The following CALHM1 variants were observed in gnomAD, a reference collection of about 807,000 sequenced individuals.
CALHM1 encodes the protein calcium homeostasis modulator protein 1.
Under a neutral mutation model 14.8 loss-of-function variants are expected in CALHM1, and 11 were observed. That is an observed-to-expected ratio of 0.74 (90% CI 0.47 to 1.23). The LOEUF is 1.23. CALHM1 is among the 50% of genes most tolerant of loss of function. The pLI is 0.00. For synonymous variants in CALHM1, 215 were observed against 218.9 expected, an observed-to-expected ratio of 0.98 and a Z score of 0.16; for missense variants, 458 against 496.4, an observed-to-expected ratio of 0.92 and a Z score of 0.74.
Position 103,458,086 on chromosome 10 carries a change from C to G in CALHM1, c.555+111G>C. 1.5e-6 allele frequency: 2 copies of G among 1,299,892 alleles called. No homozygotes were observed. The highest frequency in any genetic ancestry group is 1.4e-5 in the South Asian group (1 of 73,690). 80.5% of individuals were successfully genotyped at this position (1,299,892 alleles called of 1,614,324 possible). On this transcript the variant is annotated intron_variant, in intron 1 of 1. Coordinates refer to ENST00000329905, the MANE Select transcript of CALHM1 (RefSeq NM_001001412.4). The surrounding 1 kb of genome is among the most constrained non-coding windows in gnomAD (Gnocchi z 4.9). ...AGTTGGGAAGATGCCCCCCACACCT[C>G]GGAGCTCCACCTGAGCAGAGGCCCC...
chr10:103,456,741 C>A (rs1051487992), intron 1 of CALHM1, among the ~76,000 whole-genome samples: 1 of 152,214 alleles, frequency 6.6e-6, no homozygotes, highest in Non-Finnish European at 1.5e-5. Context: ...GGATTTCCAA[C>A]TTGAAAATCT....
At position 103,453,844 on chromosome 10, in the gene CALHM1, C is replaced by T. The variant is rs946923755; in HGVS notation, c.*1418G>A. ...TCCTGGAAGAGCCCTCCCAGCCCAC[C>T]TTGGCCCACAAAGATCTGAGCAACT... On this transcript the variant is annotated 3_prime_UTR_variant, in exon 2 of 2. Transcript: ENST00000329905. The T allele has an allele frequency of 1.3e-5, 2 of 152,194 alleles. No individual in the cohort carries two copies. Among genetic ancestry groups the T allele is most frequent in the Non-Finnish European group, 2.9e-5 (2 of 68,046 alleles). 9.4% of individuals were successfully genotyped at this position (152,194 alleles called of 1,614,324 possible).
Position 103,455,146 on chromosome 10 carries a change from G to A in CALHM1, c.*116C>T. On this transcript the variant is annotated 3_prime_UTR_variant, in exon 2 of 2. Transcript: ENST00000329905. ...GGGCAGGCGAGTGCTAGGGAGTGTGGATCTGCCTAGGGGAGTACTGCCCAG... is the reference window on the plus strand; with the variant it reads ...GGGCAGGCGAGTGCTAGGGAGTGTGAATCTGCCTAGGGGAGTACTGCCCAG... 7.2e-7 allele frequency: 1 copy of A among 1,388,900 alleles called. No homozygotes were observed. Among genetic ancestry groups the A allele is most frequent in the Non-Finnish European group, 9.5e-7 (1 of 1,052,554 alleles). The allele number at this position is 1,388,900 out of a possible 1,614,324, so 86.0% of individuals were successfully genotyped here.
At chr10:103,457,277 G>A (rs1233508843) in intron 1 of CALHM1, among the ~76,000 whole-genome samples, 1 of 152,264 alleles carries the variant, frequency 6.6e-6, no homozygotes, top group East Asian at 1.9e-4. Context: ...TGAGGCCGGG[G>A]ACGATGGGAT....
In CALHM1 at chr10:103,458,316, C is replaced by A; in HGVS notation, c.436G>T (p.Gly146Cys). 6.2e-7 allele frequency: 1 copy of A among 1,610,946 alleles called. No homozygotes were observed. The highest frequency in any genetic ancestry group is 8.5e-7 in the Non-Finnish European group (1 of 1,179,112). Residue 146 changes from glycine to cysteine, a missense_variant, in exon 1 of 2, where the codon GGC becomes TGC. By Grantham distance (159) the Gly-to-Cys change is radical. Transcript: ENST00000329905. The surrounding 1 kb of genome is among the most constrained non-coding windows in gnomAD (Gnocchi z 4.9). The part of the protein sequence containing the change: ...SALGNGSLAP[G>C]LPAPELARLL... The stretch of plus-strand genomic sequence containing the variant: ...CGGGCGAGCTCGGGGGCAGGAAGGC[C>A]GGGTGCCAGGCTGCCGTTGCCCAGT...
chr10:103,455,346 C>T lies in CALHM1; in HGVS notation c.957G>A (p.Glu319=), dbSNP rs757290889. The T allele has an allele frequency of 9.5e-5, 154 of 1,613,418 alleles. No homozygotes were observed. The highest frequency in any genetic ancestry group is 1.2e-4 in the Non-Finnish European group (145 of 1,179,996). ...CKPPLRLGQE[E]PPLMGNGWAG... is the part of the protein sequence containing the mutation. Reference sequence around the variant, plus strand: ...CCCAGCCGTTGCCCATCAGCGGTGGCTCCTCCTGGCCCAGCCGCAGAGGCG... The same window carrying T: ...CCCAGCCGTTGCCCATCAGCGGTGGTTCCTCCTGGCCCAGCCGCAGAGGCG... Residue 319 remains glutamate (E), a synonymous_variant, in exon 2 of 2, where the codon GAG becomes GAA. Transcript: ENST00000329905.
chr10:103,455,360 G>A lies in CALHM1; in HGVS notation c.943C>T (p.Leu315=), dbSNP rs1410385384. The change falls in exon 2 of 2, where the codon CTG becomes TTG. Residue 315 remains leucine (L), a synonymous_variant. Transcript: ENST00000329905. ...ATCAGCGGTGGCTCCTCCTGGCCCA[G>A]CCGCAGAGGCGGTTTGCATTTGTGC... The part of the protein sequence containing the change: ...SWHKCKPPLR[L]GQEEPPLMGN... The A allele has an allele frequency of 6.2e-7, 1 of 1,613,806 alleles. No homozygotes were observed. Among genetic ancestry groups the A allele is most frequent in the Admixed American group, 1.7e-5 (1 of 60,032 alleles).
rs1372091933 is a variant in CALHM1 at position 103,454,520 on chromosome 10, G to A, written c.*742C>T. 1 of 152,218 alleles carries A rather than the reference G, an allele frequency of 6.6e-6. No homozygotes were observed. Among genetic ancestry groups the A allele is most frequent in the African/African-American group, 2.4e-5 (1 of 41,446 alleles). 9.4% of individuals were successfully genotyped at this position (152,218 alleles called of 1,614,324 possible). A position where few individuals can be genotyped will look rare whatever the true frequency, so the allele number is the denominator to read the frequency against. ...TGGGGATGGTCTGATTTCCCCTGGAGACCTGGATGTGACGGGGGTATTAAG... is the reference window on the plus strand; with the variant it reads ...TGGGGATGGTCTGATTTCCCCTGGAAACCTGGATGTGACGGGGGTATTAAG... On this transcript the variant is annotated 3_prime_UTR_variant, in exon 2 of 2. Coordinates refer to ENST00000329905, the MANE Select transcript of CALHM1 (RefSeq NM_001001412.4).
chr10:103,458,339 A>G lies in CALHM1; in HGVS notation c.413T>C (p.Leu138Pro). The change falls in exon 1 of 2, where the codon CTG (leucine) becomes CCG (proline). Residue 138 changes from leucine (L) to proline (P), a missense_variant. Transcript: ENST00000329905. The surrounding 1 kb of genome is among the most constrained non-coding windows in gnomAD (Gnocchi z 4.9). Reference protein sequence around the residue: ...AFCTAVPVSALGNGSLAPGLP... With the variant: ...AFCTAVPVSAPGNGSLAPGLP... Reference sequence around the variant, plus strand: ...GCCGGGTGCCAGGCTGCCGTTGCCCAGTGCGCTCACGGGCACGGCAGTGCA... The same window carrying G: ...GCCGGGTGCCAGGCTGCCGTTGCCCGGTGCGCTCACGGGCACGGCAGTGCA... The G allele has an allele frequency of 6.2e-7, 1 of 1,611,014 alleles. No homozygotes were observed. The highest frequency in any genetic ancestry group is 8.5e-7 in the Non-Finnish European group (1 of 1,178,812).
At chr10:103,455,930 A>G (rs1483285514) in intron 1 of CALHM1, among the ~76,000 whole-genome samples, 183 bp from the exon 2 acceptor site, 2 of 152,240 alleles carry the variant, frequency 1.3e-5, no homozygotes, top group Non-Finnish European at 2.9e-5. Flanking sequence ...AATAATGGAG[A>G]TAGGTGCACC....
rs139690169 is a variant in CALHM1, at chr10:103,458,391, C to T, written c.361G>A (p.Asp121Asn). The change falls in exon 1 of 2, where the codon GAC (aspartate) becomes AAC (asparagine). Residue 121 changes from aspartate to asparagine, a missense_variant. By Grantham distance (23) the Asp-to-Asn change is conservative. Coordinates refer to ENST00000329905, the MANE Select transcript of CALHM1 (RefSeq NM_001001412.4). The surrounding 1 kb of genome is among the most constrained non-coding windows in gnomAD (Gnocchi z 4.9). ...AAGGCACAGAGGAAGCATTTGCCGT[C>T]GAGTAGCGTGACGGCCACCCAGACG... ...PVVWVAVTLL[D>N]GKCFLCAFCT... The T allele has an allele frequency of 1.7e-5, 28 of 1,608,806 alleles. No homozygotes were observed. Among genetic ancestry groups the T allele is most frequent in the East Asian group, 1.3e-4 (6 of 44,754 alleles).
rs769730323 is a variant in CALHM1, at chr10:103,458,505, T to G, written c.247A>C (p.Lys83Gln). The G allele has an allele frequency of 1.2e-6, 2 of 1,613,434 alleles. No individual in the cohort carries two copies. Among genetic ancestry groups the G allele is most frequent in the Non-Finnish European group, 1.7e-6 (2 of 1,179,984 alleles). The stretch of plus-strand genomic sequence containing the variant: ...TTGGCCCGGCGGCCCAGCGGCCGCT[T>G]CCACTCTTCGGCCAGCATGGACACG... ...NNVSMLAEEW[K>Q]RPLGRRAKDP... Residue 83 changes from lysine (K) to glutamine (Q), a missense_variant, in exon 1 of 2, where the codon AAG becomes CAG. Coordinates refer to ENST00000329905, the MANE Select transcript of CALHM1 (RefSeq NM_001001412.4). This position sits in a 1 kb window ranked among gnomAD's most constrained non-coding sequence, Gnocchi z 4.9.
In CALHM1 at chr10:103,454,499, G is replaced by A. The variant is rs1303566005; in HGVS notation, c.*763C>T. 1 of 152,220 alleles carries A rather than the reference G, an allele frequency of 6.6e-6. No homozygotes were observed. Among genetic ancestry groups the A allele is most frequent in the Non-Finnish European group, 1.5e-5 (1 of 68,036 alleles). 9.4% of individuals were successfully genotyped at this position (152,220 alleles called of 1,614,324 possible). On this transcript the variant is annotated 3_prime_UTR_variant, in exon 2 of 2. Transcript: ENST00000329905. ...TGTGTCTAACTTCTCAAGCCTTGGG[G>A]ATGGTCTGATTTCCCCTGGAGACCT...
Position 103,458,288 on chromosome 10 carries a change from A to G in CALHM1, c.464T>C (p.Leu155Pro). Residue 155 changes from leucine to proline, a missense_variant, in exon 1 of 2, where the codon CTG (leucine) becomes CCG (proline). Coordinates refer to ENST00000329905, the MANE Select transcript of CALHM1 (RefSeq NM_001001412.4). The surrounding 1 kb of genome is among the most constrained non-coding windows in gnomAD (Gnocchi z 4.9). ...PGLPAPELAR[L>P]LARVPCPEIY... ...CTCAGGGCAGGGCACCCGGGCCAGC[A>G]GGCGGGCGAGCTCGGGGGCAGGAAG... The G allele has an allele frequency of 6.2e-7, 1 of 1,612,272 alleles. No individual in the cohort carries two copies. The highest frequency in any genetic ancestry group is 8.5e-7 in the Non-Finnish European group (1 of 1,179,650).
Position 103,458,627 on chromosome 10 carries a change from C to A in CALHM1, c.125G>T (p.Cys42Phe), listed in dbSNP as rs1212951803. ...AQMYSAFDFN[C>F]PCLPGYNAAY... is the part of the protein sequence containing the mutation. ...TGCATTGTAGCCCGGCAGGCAGGGG[C>A]AGTTGAAGTCGAAGGCCGAGTACAT... Residue 42 changes from cysteine to phenylalanine, a missense_variant, in exon 1 of 2, where the codon TGC (cysteine) becomes TTC (phenylalanine). By Grantham distance (205) the Cys-to-Phe change is radical (BLOSUM62 -2). Transcript: ENST00000329905. This position sits in a 1 kb window ranked among gnomAD's most constrained non-coding sequence, Gnocchi z 4.9. 1 of 1,613,846 alleles carries A rather than the reference C, an allele frequency of 6.2e-7. No individual in the cohort carries two copies. The highest frequency in any genetic ancestry group is 8.5e-7 in the Non-Finnish European group (1 of 1,180,054).
chr10:103,458,559 A>G lies in CALHM1; in HGVS notation c.193T>C (p.Phe65Leu), dbSNP rs1208676958. The change falls in exon 1 of 2, where the codon TTT becomes CTT. Residue 65 changes from phenylalanine (F) to leucine (L), a missense_variant. Transcript: ENST00000329905. The surrounding 1 kb of genome is among the most constrained non-coding windows in gnomAD (Gnocchi z 4.9). The part of the protein sequence containing the change: ...GILLAPPLVL[F>L]LLGLVMNNNV... ...TTGTTCATGACCAGGCCAAGCAGAA[A>G]GAGCACCAGGGGTGGCGCCAGCAGG... The G allele has an allele frequency of 4.3e-6, 7 of 1,613,756 alleles. No homozygotes were observed. The East Asian group carries it at 1.3e-4, about 31-fold the overall frequency.
chr10:103,458,583 G>A lies in CALHM1; in HGVS notation c.169C>T (p.Leu57=). 1 of 1,613,950 alleles carries A rather than the reference G, an allele frequency of 6.2e-7. No homozygotes were observed. The change falls in exon 1 of 2, where the codon CTG becomes TTG. Residue 57 remains leucine, a synonymous_variant. Transcript: ENST00000329905. This position sits in a 1 kb window ranked among gnomAD's most constrained non-coding sequence, Gnocchi z 4.9. ...AAGAGCACCAGGGGTGGCGCCAGCAGGATGCCCGCGCTGTAGGCTGCATTG... is the reference window on the plus strand; with the variant it reads ...AAGAGCACCAGGGGTGGCGCCAGCAAGATGCCCGCGCTGTAGGCTGCATTG... ...GYNAAYSAGI[L]LAPPLVLFLL...
chr10:103,458,172 A>AT lies in CALHM1; in HGVS notation c.555+24_555+25insA. 2 of 1,610,530 alleles carry AT rather than the reference A, an allele frequency of 1.2e-6. No homozygotes were observed. Among genetic ancestry groups the AT allele is most frequent in the Admixed American group, 3.3e-5 (2 of 59,968 alleles). On this transcript the variant is annotated intron_variant, in intron 1 of 1. Coordinates refer to ENST00000329905, the MANE Select transcript of CALHM1 (RefSeq NM_001001412.4). This position sits in a 1 kb window ranked among gnomAD's most constrained non-coding sequence, Gnocchi z 4.9. The stretch of plus-strand genomic sequence containing the variant: ...GGACCTTGATCTGCCAGGGAGACCC[A>AT]GCGTGAAGCCATGCGGCCCCTCACC...
chr10:103,458,726 A>T lies in CALHM1; in HGVS notation c.26T>A (p.Phe9Tyr). 7 of 1,612,886 alleles carry T rather than the reference A, an allele frequency of 4.3e-6. No homozygotes were observed. The highest frequency in any genetic ancestry group is 5.9e-6 in the Non-Finnish European group (7 of 1,179,264). Reference sequence around the variant, plus strand: ...CTCCTGGTTGGACTGCAGGAACTGGAAGATCATCCGGAACTTGTCCATCAT... The same window carrying T: ...CTCCTGGTTGGACTGCAGGAACTGGTAGATCATCCGGAACTTGTCCATCAT... MMDKFRMI[F>Y]QFLQSNQESF... The change falls in exon 1 of 2, where the codon TTC (phenylalanine) becomes TAC (tyrosine). Residue 9 changes from phenylalanine (F) to tyrosine (Y), a missense_variant. Coordinates refer to ENST00000329905, the MANE Select transcript of CALHM1 (RefSeq NM_001001412.4). The surrounding 1 kb of genome is among the most constrained non-coding windows in gnomAD (Gnocchi z 4.9).
Sources: allele counts gnomAD v4.1 joint callset (sites outside exome capture counted in the v4.1 genomes callset), GRCh38; gene constraint gnomAD v4.1.1; non-coding constraint Gnocchi (gnomAD v3.1); transcripts MANE v1.5; gene names NCBI Gene and HGNC (gene_info 2026-07-23, HGNC 2026-07-21).